CELF5: variants seen among roughly 807,000 people sequenced by gnomAD.
CELF5 encodes the protein CUGBP Elav-like family member 5.
CELF5 carries 6 observed loss-of-function variants against 54.9 expected under a neutral mutation model. The ratio of observed to expected loss-of-function variants is 0.11; its 90% CI spans 0.06 to 0.22. The LOEUF (loss-of-function observed/expected upper bound fraction) is 0.22, where lower values mean the gene tolerates loss of function less well. CELF5 is among the 10% of genes least tolerant of loss of function. CELF5 has a pLI of 1.00. For synonymous variants in CELF5, 271 were observed against 290.9 expected, an observed-to-expected ratio of 0.93 and a Z score of 0.70; for missense variants, 401 against 678.6, an observed-to-expected ratio of 0.59 and a Z score of 4.54.
chr19:3,245,705 A>G (rs571558849), intron 1 of CELF5, among the ~76,000 whole-genome samples: 2 of 152,214 alleles, frequency 1.3e-5, no homozygotes, highest in African/African-American at 4.8e-5. Context: ...GTTCTTTTGA[A>G]GAGCTTGGGG....
At chr19:3,250,962 A>AC (rs772982425) in intron 1 of CELF5, 23 bp from the exon 2 acceptor site, 2 of 1,597,458 alleles carry the variant, frequency 1.3e-6, no homozygotes, top group Non-Finnish European at 1.7e-6. Context: ...CTCTCTTAAC[A>AC]CCCCCGTTTC....
intron 2 of CELF5, among the ~76,000 whole-genome samples, chr19:3,259,247 G>C (rs1004057786): frequency 1.1e-4 from 17 of 152,156 alleles, no homozygotes; most frequent in Non-Finnish European, 2.4e-4. Context: ...GTTAGGTAAG[G>C]AGGGGTCTCA....
At position 3,251,037 on chromosome 19, in the gene CELF5, T is replaced by G. The variant is rs750208631; in HGVS notation, c.312T>G (p.Thr104=). The G allele has an allele frequency of 1.2e-6, 2 of 1,613,790 alleles. No individual in the cohort carries two copies. Among genetic ancestry groups the G allele is most frequent in the East Asian group, 4.5e-5 (2 of 44,850 alleles). ...GGGATTCCGCCATCAAAGCTCAGAC[T>G]GCCCTGCACGAGCAGAAGACCTTGC... The part of the protein sequence containing the change: ...CARDSAIKAQ[T]ALHEQKTLPG... Residue 104 remains threonine (T), a synonymous_variant, in exon 2 of 13, where the codon ACT becomes ACG. Coordinates refer to ENST00000292672, the MANE Select transcript of CELF5 (RefSeq NM_021938.4).
At chr19:3,244,784 T>A (rs1344163382) in intron 1 of CELF5, among the ~76,000 whole-genome samples, 3 of 144,638 alleles carry the variant, frequency 2.1e-5, no homozygotes, top group African/African-American at 7.8e-5. Context: ...TGCGTGTGTG[T>A]ATGGTATTTG....
chr19:3,249,473 C>T (rs1427404759), intron 1 of CELF5, among the ~76,000 whole-genome samples: 1 of 152,122 alleles, frequency 6.6e-6, no homozygotes, highest in African/African-American at 2.4e-5. Flanking sequence ...TCACTCTGGG[C>T]CACCAGAGGG....
At chr19:3,236,903 C>T (rs1054988865) in intron 1 of CELF5, among the ~76,000 whole-genome samples, 3 of 150,856 alleles carry the variant, frequency 2.0e-5, no homozygotes, top group Non-Finnish European at 2.9e-5. Context: ...GTGGAAGAAT[C>T]GCTTGAACCC....
At chr19:3,292,589 G>T (rs544663904) in intron 11 of CELF5, among the ~76,000 whole-genome samples, 28 of 152,172 alleles carry the variant, frequency 1.8e-4, no homozygotes, top group South Asian at 1.2e-3. Flanking sequence ...TGGCCATGGG[G>T]TGGAGTATTT....
intron 2 of CELF5, among the ~76,000 whole-genome samples, chr19:3,272,143 G>A (rs894988822): frequency 2.6e-5 from 4 of 152,112 alleles, no homozygotes; most frequent in Admixed American, 1.3e-4. Context: ...TGAGGTGGGC[G>A]GATCACGAAC....
chr19:3,292,226 C>T (rs966975236), intron 11 of CELF5, among the ~76,000 whole-genome samples: 1 of 151,676 alleles, frequency 6.6e-6, no homozygotes, highest in Non-Finnish European at 1.5e-5. Flanking sequence ...GAATTACAGA[C>T]GTGAACCACC....
intron 2 of CELF5, among the ~76,000 whole-genome samples, chr19:3,259,619 G>A (rs2079780648): frequency 6.6e-6 from 1 of 152,110 alleles, no homozygotes; most frequent in South Asian, 2.1e-4. Flanking sequence ...TTTAATGTGT[G>A]CAGCCTCCTG....
At chr19:3,244,273 AGT>A (rs1008907003) in intron 1 of CELF5, among the ~76,000 whole-genome samples, 3 of 150,968 alleles carry the variant, frequency 2.0e-5, no homozygotes, top group Non-Finnish European at 3.0e-5. Flanking sequence ...TGTGCGTGCG[AGT>A]GTGTGTGTGT....
At chr19:3,256,066 A>AAAAAAAAAAAAAAAAAT (rs2079721110) in intron 2 of CELF5, among the ~76,000 whole-genome samples, 1 of 110,328 alleles carries the variant, frequency 9.1e-6, no homozygotes, top group Admixed American at 9.4e-5. Flanking sequence ...CCCTGTCTCA[A>AAAAAAAAAAAAAAAAAT]AAAAAAAGGA....
At position 3,282,845 on chromosome 19, in the gene CELF5, G is replaced by T. The variant is rs1195599158; in HGVS notation, c.1039+347G>T. ...TGACAATTTAATCTGTGTGCAAAAG[G>T]CTTCACACAGGGTCTCACTCTGTCG... is the stretch of plus-strand genomic sequence containing the variant. On this transcript the variant is annotated intron_variant, in intron 8 of 12. Transcript: ENST00000292672. This position sits in a 1 kb window ranked among gnomAD's most constrained non-coding sequence, Gnocchi z 5.2. Among the ~76,000 whole-genome samples, 1 of 152,110 alleles carries T rather than the reference G, an allele frequency of 6.6e-6. No homozygotes were observed. Among genetic ancestry groups the T allele is most frequent in the Non-Finnish European group, 1.5e-5 (1 of 68,028 alleles).
In CELF5 at chr19:3,225,008, C is replaced by T. The variant is rs766149214; in HGVS notation, c.259+10C>T. 21 of 1,510,214 alleles carry T rather than the reference C, an allele frequency of 1.4e-5. No homozygotes were observed. The South Asian group carries it at 1.7e-4, about 12-fold the overall frequency. 93.6% of individuals were successfully genotyped at this position (1,510,214 alleles called of 1,614,324 possible). A position where few individuals can be genotyped will look rare whatever the true frequency, so the allele number is the denominator to read the frequency against. On this transcript the variant is annotated intron_variant, in intron 1 of 12. Transcript: ENST00000292672. ...ACGGGGATGCACAAAGGTGGGCGCC[C>T]GGCCCCCTCCCCCCTCTCCCCCTCC...
In CELF5 at chr19:3,278,692, T is replaced by TGG. The variant is rs1407497468; in HGVS notation, c.603+583_603+584insGG. ...TTGTGGGCAGGTTTGTGTGTGTGTGTGTGTGTGTTTGTGTGTGTGCATGAC... is the reference window on the plus strand; with the variant it reads ...TTGTGGGCAGGTTTGTGTGTGTGTGTGGGTGTGTGTTTGTGTGTGTGCATGAC... On this transcript the variant is annotated intron_variant, in intron 5 of 12. Coordinates refer to ENST00000292672, the MANE Select transcript of CELF5 (RefSeq NM_021938.4). This position sits in a 1 kb window ranked among gnomAD's most constrained non-coding sequence, Gnocchi z 4.5. Among the ~76,000 whole-genome samples the TGG allele has an allele frequency of 3.7e-3, 563 of 151,676 alleles. 4 individuals are homozygous for TGG. The highest frequency in any genetic ancestry group is 0.013 in the African/African-American group (525 of 41,402).
At chr19:3,265,788 C>G (rs945426170) in intron 2 of CELF5, among the ~76,000 whole-genome samples, 3 of 152,102 alleles carry the variant, frequency 2.0e-5, no homozygotes, top group African/African-American at 7.2e-5. Context: ...TGATTACTTT[C>G]TTTTCTTTTC....
At chr19:3,265,752 C>T (rs965020593) in intron 2 of CELF5, among the ~76,000 whole-genome samples, 20 of 152,150 alleles carry the variant, frequency 1.3e-4, no homozygotes, top group African/African-American at 4.3e-4. Flanking sequence ...GCAGCCCAGG[C>T]GGCTGCTCTA....
chr19:3,251,675 G>GTTTTTT, intron 2 of CELF5, among the ~76,000 whole-genome samples: 1 of 61,382 alleles, frequency 1.6e-5, no homozygotes, highest in Non-Finnish European at 2.9e-5. Flanking sequence ...TTTTTTTTTT[G>GTTTTTT]TTGTTGTTGT....
rs375126609 is a variant in CELF5 at position 3,282,383 on chromosome 19, C to T, written c.924C>T (p.Thr308=). 7 of 1,611,176 alleles carry T rather than the reference C, an allele frequency of 4.3e-6. No homozygotes were observed. Among genetic ancestry groups the T allele is most frequent in the East Asian group, 2.2e-5 (1 of 44,888 alleles). The stretch of plus-strand genomic sequence containing the variant: ...ACTCACCCCCGCTGCTGGGCACCAC[C>T]GCTGTGCCTGGCCTCGTGGCTCCCA... ...GLHSPPLLGT[T]AVPGLVAPIT... The change falls in exon 8 of 13, where the codon ACC becomes ACT. Residue 308 remains threonine (T), a synonymous_variant. Coordinates refer to ENST00000292672, the MANE Select transcript of CELF5 (RefSeq NM_021938.4). The surrounding 1 kb of genome is among the most constrained non-coding windows in gnomAD (Gnocchi z 5.2).
Sources: gnomAD v4.1 joint callset for allele counts (sites outside exome capture counted in the v4.1 genomes callset) on GRCh38, gnomAD v4.1.1 for gene constraint, Gnocchi (gnomAD v3.1) non-coding constraint, MANE v1.5 for transcripts, NCBI Gene and HGNC (gene_info 2026-07-23, HGNC 2026-07-21) for gene names.